FBXW7: variants seen among roughly 807,000 people sequenced by gnomAD.
FBXW7 encodes F-box and WD repeat domain containing 7.
FBXW7 carries 11 observed loss-of-function variants against 86.3 expected under a neutral mutation model. The ratio of observed to expected loss-of-function variants is 0.13; its 90% CI spans 0.08 to 0.21. The LOEUF (loss-of-function observed/expected upper bound fraction) is 0.21. Among genes scored for constraint, FBXW7 ranks in the 10% least tolerant of loss-of-function variants. The probability of loss-of-function intolerance (pLI) is 1.00; values close to 1 mark genes in which losing one functional copy is unlikely to be tolerated. For synonymous variants in FBXW7, 313 were observed against 297.9 expected (o/e 1.05, Z -0.52); for missense variants, 488 against 847.4 (o/e 0.58, Z 5.27).
chr4:152,425,105 CTGATT>C (rs1165796083), intron 2 of FBXW7, among the ~76,000 whole-genome samples: 2 of 152,208 alleles, frequency 1.3e-5, no homozygotes, highest in African/African-American at 4.8e-5. Context: ...TCTTGTCTAC[CTGATT>C]TGTTTTCACT....
intron 2 of FBXW7, among the ~76,000 whole-genome samples, chr4:152,498,862 T>C (rs923142896): frequency 6.6e-6 from 1 of 152,108 alleles, no homozygotes; most frequent in African/African-American, 2.4e-5. Flanking sequence ...TGCAGAGCTC[T>C]AGGAAGGGAA....
rs76241299 is a variant in FBXW7 at position 152,340,402 on chromosome 4, C to G, written c.727-2466G>C. On this transcript the variant is annotated intron_variant, in intron 6 of 13. Coordinates refer to ENST00000281708, the MANE Select transcript of FBXW7 (RefSeq NM_001349798.2). Reference sequence around the variant, plus strand: ...ACCATCCTGGCTAACATGGTGAAACCCCATCTCTACTAAAAATATAAAAAC... The same window carrying G: ...ACCATCCTGGCTAACATGGTGAAACGCCATCTCTACTAAAAATATAAAAAC... Among the ~76,000 whole-genome samples, 205 of 151,602 alleles carry G rather than the reference C, an allele frequency of 1.4e-3. 7 individuals carry two copies. The East Asian group carries it at 0.037, about 27-fold the overall frequency.
chr4:152,368,912 T>C (rs1211203853), intron 4 of FBXW7, among the ~76,000 whole-genome samples: 2 of 152,086 alleles, frequency 1.3e-5, no homozygotes, highest in African/African-American at 4.8e-5. Flanking sequence ...AATTTTTACA[T>C]ATATGATAGT....
rs369130023 is a variant in FBXW7, at chr4:152,508,207, G to A, written c.-120+26734C>T. 5.9e-5 allele frequency among the ~76,000 whole-genome samples: 9 copies of A among 151,944 alleles called. No homozygotes were observed. The East Asian group carries it at 7.7e-4, about 13-fold the overall frequency. On this transcript the variant is annotated intron_variant, in intron 2 of 13. Transcript: ENST00000281708. ...AAAATAAATAATGATGATAATAGAT[G>A]AAATCCATAGAAGAATCTGTAAGTC...
intron 2 of FBXW7, among the ~76,000 whole-genome samples, chr4:152,430,824 T>G (rs770118181): frequency 2.6e-5 from 4 of 152,240 alleles, no homozygotes; most frequent in Non-Finnish European, 5.9e-5. Flanking sequence ...TGGATATTCT[T>G]CTGACAATCT....
chr4:152,383,694 T>C (rs759482429), intron 4 of FBXW7, among the ~76,000 whole-genome samples: 13 of 152,168 alleles, frequency 8.5e-5, no homozygotes, highest in Non-Finnish European at 1.6e-4. Flanking sequence ...AGGAGAAAGT[T>C]AGAAATGGGT....
chr4:152,404,112 T>G (rs1350608665), intron 4 of FBXW7, among the ~76,000 whole-genome samples: 1 of 152,156 alleles, frequency 6.6e-6, no homozygotes, highest in Non-Finnish European at 1.5e-5. Context: ...CTCTTTCCAC[T>G]ATGAAATGGG....
intron 6 of FBXW7, among the ~76,000 whole-genome samples, chr4:152,338,768 T>C (rs1247061485): frequency 6.6e-6 from 1 of 152,160 alleles, no homozygotes; most frequent in East Asian, 1.9e-4. Flanking sequence ...TTCACACATT[T>C]AATTAACCTC....
chr4:152,361,181 T>C (rs1430122993), intron 4 of FBXW7, among the ~76,000 whole-genome samples: 1 of 152,178 alleles, frequency 6.6e-6, no homozygotes, highest in East Asian at 1.9e-4. Context: ...AATCAATTCT[T>C]TGTTTTTATG....
chr4:152,486,950 T>C (rs185123901), intron 2 of FBXW7, among the ~76,000 whole-genome samples: 34 of 152,270 alleles, frequency 2.2e-4, no homozygotes, highest in African/African-American at 6.7e-4. Context: ...CACTATGCGA[T>C]AGAAATTTTT....
intron 2 of FBXW7, among the ~76,000 whole-genome samples, chr4:152,527,904 A>G (rs558420856): frequency 6.6e-6 from 1 of 151,226 alleles, no homozygotes; most frequent in Admixed American, 6.6e-5. Context: ...ACACACACAT[A>G]TATATACACA....
intron 2 of FBXW7, among the ~76,000 whole-genome samples, chr4:152,460,940 A>G (rs1742881381): frequency 6.6e-6 from 1 of 152,186 alleles, no homozygotes; most frequent in African/African-American, 2.4e-5. Flanking sequence ...CAAATAGATG[A>G]CTTTTATTAA....
intron 2 of FBXW7, among the ~76,000 whole-genome samples, chr4:152,534,171 T>C (rs1579458315): frequency 6.6e-6 from 1 of 151,670 alleles, no homozygotes; most frequent in East Asian, 1.9e-4. Context: ...ATATCAAAGA[T>C]GTATCCTAAA....
chr4:152,381,370 T>C (rs1244605631), intron 4 of FBXW7, among the ~76,000 whole-genome samples: 2 of 152,104 alleles, frequency 1.3e-5, no homozygotes, highest in African/African-American at 4.8e-5. Context: ...GATAGAACCC[T>C]AACAGTGTTG....
chr4:152,472,877 T>G (rs887474454), intron 2 of FBXW7, among the ~76,000 whole-genome samples: 9 of 152,198 alleles, frequency 5.9e-5, no homozygotes, highest in African/African-American at 1.9e-4. Context: ...CCTAATAATG[T>G]ATTTCAATTT....
At chr4:152,454,650 T>A (rs187628127) in intron 2 of FBXW7, among the ~76,000 whole-genome samples, 513 of 151,912 alleles carry the variant, frequency 3.4e-3, no homozygotes, top group African/African-American at 0.011. Context: ...TAGCCCTTTT[T>A]AAAAAAAACT....
chr4:152,531,971 T>C (rs984985702), intron 2 of FBXW7, among the ~76,000 whole-genome samples: 2 of 152,200 alleles, frequency 1.3e-5, no homozygotes, highest in Admixed American at 1.3e-4. Context: ...CCTTTTTAAC[T>C]TCAACTCTTA....
intron 2 of FBXW7, among the ~76,000 whole-genome samples, chr4:152,417,438 TG>T (rs1240417650): frequency 6.6e-6 from 1 of 152,072 alleles, no homozygotes; most frequent in Admixed American, 6.6e-5. Flanking sequence ...AAGTTAGGTA[TG>T]TATGTGGCAG....
At chr4:152,465,075 T>C (rs1043718547) in intron 2 of FBXW7, among the ~76,000 whole-genome samples, 4 of 152,166 alleles carry the variant, frequency 2.6e-5, no homozygotes, top group East Asian at 1.9e-4. Context: ...AGGTGTATTA[T>C]TGGTCAGCAG....
Sources: allele counts gnomAD v4.1 joint callset (sites outside exome capture counted in the v4.1 genomes callset), GRCh38; gene constraint gnomAD v4.1.1; transcripts MANE v1.5; gene names NCBI Gene and HGNC (gene_info 2026-07-23, HGNC 2026-07-21).